SLC22A23: variants seen among roughly 807,000 people sequenced by gnomAD.
SLC22A23 encodes the protein ion transporter protein.
Under a neutral mutation model 61.0 loss-of-function variants are expected in SLC22A23, and 26 were observed. That is an observed-to-expected ratio of 0.43 (90% CI 0.31 to 0.59). The LOEUF is 0.59. SLC22A23 is among the 20% of genes least tolerant of loss of function. The probability of loss-of-function intolerance (pLI) is 0.11; values close to 1 mark genes in which losing one functional copy is unlikely to be tolerated. For synonymous variants in SLC22A23, 430 were observed against 413.9 expected (o/e 1.04, Z -0.47); for missense variants, 796 against 934.7 (o/e 0.85, Z 1.94).
rs1028114875 is a variant in SLC22A23 at position 3,427,111 on chromosome 6, C to T, written c.655-11256G>A. Among the ~76,000 whole-genome samples the T allele has an allele frequency of 1.8e-4, 27 of 152,196 alleles. No individual in the cohort carries two copies. The highest frequency in any genetic ancestry group is 6.0e-4 in the African/African-American group (25 of 41,456). On this transcript the variant is annotated intron_variant, in intron 1 of 9. Coordinates refer to ENST00000406686, the MANE Select transcript of SLC22A23 (RefSeq NM_015482.2). This position sits in a 1 kb window ranked among gnomAD's most constrained non-coding sequence, Gnocchi z 4.3. ...TAAGCCCCAGTTTTATTTCTAGTTT[C>T]GCCCCGCGGTCATCAGGGCAAGCTT...
Position 3,355,648 on chromosome 6 carries a change from G to A in SLC22A23, c.914-31646C>T, listed in dbSNP as rs138770416. 8.2e-3 allele frequency among the ~76,000 whole-genome samples: 1,250 copies of A among 152,190 alleles called. 11 individuals are homozygous for A. Among genetic ancestry groups the A allele is most frequent in the Non-Finnish European group, 8.4e-3 (568 of 68,000 alleles). On this transcript the variant is annotated intron_variant, in intron 3 of 9. Coordinates refer to ENST00000406686, the MANE Select transcript of SLC22A23 (RefSeq NM_015482.2). Reference sequence around the variant, plus strand: ...GCTCCCTGTATCAGCCCCACTCCCAGGCTCCAGAGCTAGGCCACTTGATGC... The same window carrying A: ...GCTCCCTGTATCAGCCCCACTCCCAAGCTCCAGAGCTAGGCCACTTGATGC...
intron 1 of SLC22A23, among the ~76,000 whole-genome samples, chr6:3,443,458 G>A (rs1771721026): frequency 6.6e-6 from 1 of 152,154 alleles, no homozygotes; most frequent in South Asian, 2.1e-4. Flanking sequence ...TCCTAGAAGA[G>A]AAGCCTCAGG....
rs1758441872 is a variant in SLC22A23, at chr6:3,271,033, G to C, written c.*2022C>G. The C allele has an allele frequency of 6.6e-6, 1 of 152,352 alleles. No homozygotes were observed. Among genetic ancestry groups the C allele is most frequent in the Non-Finnish European group, 1.5e-5 (1 of 68,098 alleles). The allele number at this position is 152,352 out of a possible 1,614,324, so 9.4% of individuals were successfully genotyped here. On this transcript the variant is annotated 3_prime_UTR_variant, in exon 10 of 10. Transcript: ENST00000406686. ...TCCCACCTTCCCCAACTGCCTACTG[G>C]CCTGGCTACTGGATAGGTCCTATTC...
intron 4 of SLC22A23, among the ~76,000 whole-genome samples, chr6:3,319,422 AC>A (rs1762821742): frequency 6.6e-6 from 1 of 152,076 alleles, no homozygotes; most frequent in Admixed American, 6.5e-5. Flanking sequence ...TCTCCTGACC[AC>A]CCTACTTGGT....
rs1359972770 is a variant in SLC22A23 at position 3,414,716 on chromosome 6, T to C, written c.758+1036A>G. Among the ~76,000 whole-genome samples the C allele has an allele frequency of 5.9e-5, 6 of 101,866 alleles. No individual in the cohort carries two copies. The highest frequency in any genetic ancestry group is 2.4e-4 in the African/African-American group (6 of 25,172). 66.8% of individuals were successfully genotyped at this position (101,866 alleles called of 152,430 possible). A position where few individuals can be genotyped will look rare whatever the true frequency, so the allele number is the denominator to read the frequency against. ...TTTCCTCAAGGCCAAGATGTCTCGA[T>C]TCACCAAAAAAAAAAAAAAAAAAAA... On this transcript the variant is annotated intron_variant, in intron 2 of 9. Coordinates refer to ENST00000406686, the MANE Select transcript of SLC22A23 (RefSeq NM_015482.2). The surrounding 1 kb of genome is among the most constrained non-coding windows in gnomAD (Gnocchi z 5.1).
At chr6:3,429,796 C>T (rs1770741225) in intron 1 of SLC22A23, among the ~76,000 whole-genome samples, 1 of 152,180 alleles carries the variant, frequency 6.6e-6, no homozygotes, top group Non-Finnish European at 1.5e-5. Flanking sequence ...AATAAGCCAT[C>T]ACTAAAAGAC....
chr6:3,376,858 C>T (rs1319812028), intron 3 of SLC22A23, among the ~76,000 whole-genome samples: 1 of 151,858 alleles, frequency 6.6e-6, no homozygotes, highest in Non-Finnish European at 1.5e-5. Flanking sequence ...GAAGATCTTT[C>T]AAGAAAAAGG....
chr6:3,273,778 T>G (rs1758651682), intron 9 of SLC22A23, among the ~76,000 whole-genome samples: 1 of 152,166 alleles, frequency 6.6e-6, no homozygotes, highest in Admixed American at 6.5e-5. Context: ...ATAAGTAGTA[T>G]ACAAGGAAAA....
intron 1 of SLC22A23, among the ~76,000 whole-genome samples, chr6:3,451,671 T>C (rs1772163086): frequency 6.6e-6 from 1 of 152,230 alleles, no homozygotes; most frequent in Non-Finnish European, 1.5e-5. Flanking sequence ...GCGGCCCTGT[T>C]TGTCCTTAGC....
chr6:3,289,969 G>T, intron 5 of SLC22A23, 103 bp from the exon 6 acceptor site: 1 of 766,872 alleles, frequency 1.3e-6, no homozygotes, highest in South Asian at 1.6e-5. Context: ...TACCACAGAA[G>T]GGAGAGAGAA....
At chr6:3,302,625 TTG>T (rs1472409290) in intron 4 of SLC22A23, among the ~76,000 whole-genome samples, 1 of 152,214 alleles carries the variant, frequency 6.6e-6, no homozygotes, top group African/African-American at 2.4e-5. Context: ...TTTTAATATA[TTG>T]TGTTTCTATT....
intron 3 of SLC22A23, among the ~76,000 whole-genome samples, chr6:3,365,976 T>G (rs1765783552): frequency 6.6e-6 from 1 of 152,178 alleles, no homozygotes; most frequent in Admixed American, 6.5e-5. Flanking sequence ...CATCGGAGTG[T>G]GCATGTCATC....
chr6:3,310,321 C>T (rs12175239), intron 4 of SLC22A23, among the ~76,000 whole-genome samples: 17,110 of 131,992 alleles, frequency 0.13, 1,609 homozygotes, highest in East Asian at 0.23. Context: ...AAGCACCCTG[C>T]CTCCCACTCG....
chr6:3,378,247 G>GT (rs1382820165), intron 3 of SLC22A23, among the ~76,000 whole-genome samples: 2 of 152,306 alleles, frequency 1.3e-5, no homozygotes, highest in Non-Finnish European at 2.9e-5. Flanking sequence ...TGTTTGTCAG[G>GT]TGGGTGCACT....
chr6:3,376,806 G>T (rs1206977839), intron 3 of SLC22A23, among the ~76,000 whole-genome samples: 1 of 152,168 alleles, frequency 6.6e-6, no homozygotes, highest in Non-Finnish European at 1.5e-5. Context: ...GGTTTGGGGA[G>T]TGAGGCTGGC....
In SLC22A23 at chr6:3,318,444, G is replaced by A. The variant is rs913660568; in HGVS notation, c.1082+5390C>T. Among the ~76,000 whole-genome samples, 10 of 152,004 alleles carry A rather than the reference G, an allele frequency of 6.6e-5. No individual in the cohort carries two copies. The highest frequency in any genetic ancestry group is 1.5e-4 in the African/African-American group (6 of 41,374). ...CACCTAGGGACAGCCCTATGCCCACGCGCTGCAGAAATGATCAAACTGCCA... is the reference window on the plus strand; with the variant it reads ...CACCTAGGGACAGCCCTATGCCCACACGCTGCAGAAATGATCAAACTGCCA... On this transcript the variant is annotated intron_variant, in intron 4 of 9. Coordinates refer to ENST00000406686, the MANE Select transcript of SLC22A23 (RefSeq NM_015482.2). The surrounding 1 kb of genome is among the most constrained non-coding windows in gnomAD (Gnocchi z 4.3).
intron 5 of SLC22A23, among the ~76,000 whole-genome samples, chr6:3,294,298 T>TAC (rs1178250807): frequency 6.6e-6 from 1 of 152,160 alleles, no homozygotes; most frequent in Non-Finnish European, 1.5e-5. Flanking sequence ...CTACATTGAG[T>TAC]TACATTACTA....
At chr6:3,356,616 C>G (rs551761318) in intron 3 of SLC22A23, among the ~76,000 whole-genome samples, 1 of 152,258 alleles carries the variant, frequency 6.6e-6, no homozygotes, top group African/African-American at 2.4e-5. Context: ...AGGACACCAT[C>G]CACGTGAAAC....
chr6:3,348,963 G>C (rs1764605570), intron 3 of SLC22A23, among the ~76,000 whole-genome samples: 1 of 152,198 alleles, frequency 6.6e-6, no homozygotes, highest in Non-Finnish European at 1.5e-5. Context: ...TCACCACTCT[G>C]GAAATAGTCA....
Sources: gnomAD v4.1 joint callset for allele counts (sites outside exome capture counted in the v4.1 genomes callset) on GRCh38, gnomAD v4.1.1 for gene constraint, Gnocchi (gnomAD v3.1) non-coding constraint, MANE v1.5 for transcripts, NCBI Gene and HGNC (gene_info 2026-07-23, HGNC 2026-07-21) for gene names.